The following ITPRID1 variants were observed in gnomAD, a reference collection of about 807,000 sequenced individuals.
The protein encoded by ITPRID1 is ITPR interacting domain containing 1, also known as protein ITPRID1.
A neutral mutation model predicts 95.4 loss-of-function variants in ITPRID1; 96 were observed. The observed-to-expected ratio is 1.01, with a 90% CI of 0.85 to 1.19. The LOEUF is 1.19. ITPRID1 is among the 50% of genes most tolerant of loss of function. The pLI, the probability that ITPRID1 is intolerant of heterozygous loss-of-function variation, is 0.00. For synonymous variants in ITPRID1, 510 were observed against 453.6 expected, an observed-to-expected ratio of 1.12 and a Z score of -1.58; for missense variants, 1,339 against 1,252.9, an observed-to-expected ratio of 1.07 and a Z score of -1.04.
At chr7:31,551,754 G>T (rs1321581278) in intron 2 of ITPRID1, among the ~76,000 whole-genome samples, 2 of 143,672 alleles carry the variant, frequency 1.4e-5, no homozygotes, top group Non-Finnish European at 3.1e-5. Context: ...TGAATGGTTT[G>T]CCTTTTGCAA....
At chr7:31,555,713 GA>G (rs1784424279) in intron 5 of ITPRID1, among the ~76,000 whole-genome samples, 1 of 152,102 alleles carries the variant, frequency 6.6e-6, no homozygotes, top group Non-Finnish European at 1.5e-5. Context: ...ATGGTTAGAT[GA>G]AAAAATTATT....
chr7:31,657,652 A>G (rs1791364089), downstream of ITPRID1, among the ~76,000 whole-genome samples: 1 of 152,132 alleles, frequency 6.6e-6, no homozygotes, highest in Non-Finnish European at 1.5e-5. Flanking sequence ...TTACTATTCC[A>G]TTATCAAGTC....
At chr7:31,554,353 T>G in intron 3 of ITPRID1, 122 bp from the exon 4 acceptor site, 1 of 1,416,178 alleles carries the variant, frequency 7.1e-7, no homozygotes, top group Non-Finnish European at 9.3e-7. Flanking sequence ...AATATGCTTA[T>G]GGAAGGAAAC....
intron 1 of ITPRID1, among the ~76,000 whole-genome samples, chr7:31,533,221 A>G (rs1324813161): frequency 6.6e-6 from 1 of 151,880 alleles, no homozygotes; most frequent in Non-Finnish European, 1.5e-5. Context: ...TTTTTCCCTC[A>G]GTTTCTTAGT....
At chr7:31,589,146 A>T (rs560097862) in intron 10 of ITPRID1, among the ~76,000 whole-genome samples, 1 of 152,182 alleles carries the variant, frequency 6.6e-6, no homozygotes, top group Non-Finnish European at 1.5e-5. Context: ...ATAATAAATA[A>T]TAAAATGGAA....
Position 31,519,620 on chromosome 7 carries a change from C to CTCTCTCTCTCCATATA in ITPRID1, c.-98+5501_-98+5502insCTCTCTCTCCATATAT. ...TCTCTCTCTCTCTCTCTCTCTCTCT[C>CTCTCTCTCTCCATATA]TATATATATATATATATATATATAT... is the stretch of plus-strand genomic sequence containing the variant. On this transcript the variant is annotated intron_variant, in intron 1 of 14. Coordinates refer to ENST00000615280, the MANE Select transcript of ITPRID1 (RefSeq NM_001257967.3). Among the ~76,000 whole-genome samples the CTCTCTCTCTCCATATA allele has an allele frequency of 1.1e-3, 27 of 25,252 alleles. 1 individual carries two copies. The highest frequency in any genetic ancestry group is 1.6e-3 in the Non-Finnish European group (22 of 13,728). 16.6% of individuals were successfully genotyped at this position (25,252 alleles called of 152,430 possible).
At chr7:31,639,532 GTTTTTGTTTT>G (rs1462291869) in intron 10 of ITPRID1, among the ~76,000 whole-genome samples, 1 of 45,532 alleles carries the variant, frequency 2.2e-5, no homozygotes, top group African/African-American at 1.0e-4. Context: ...TTGTTTGTTT[GTTTTTGTTTT>G]TTTTTTTTTT....
Position 31,568,344 on chromosome 7 carries a change from C to A in ITPRID1, c.257-1414C>A, listed in dbSNP as rs528896516. Among the ~76,000 whole-genome samples, 4 of 152,202 alleles carry A rather than the reference C, an allele frequency of 2.6e-5. No individual in the cohort carries two copies. The South Asian group carries it at 8.3e-4, about 32-fold the overall frequency. On this transcript the variant is annotated intron_variant, in intron 5 of 14. Coordinates refer to ENST00000615280, the MANE Select transcript of ITPRID1 (RefSeq NM_001257967.3). ...ATAGACCCTCTACTCAGACAAGAAC[C>A]CTAGCCCTTTATTCTCTTCAGTATT...
chr7:31,558,254 T>C (rs562667311), intron 5 of ITPRID1, among the ~76,000 whole-genome samples: 2 of 152,274 alleles, frequency 1.3e-5, no homozygotes, highest in East Asian at 3.9e-4. Context: ...CCAAATAAAC[T>C]TCTTTTCTTT....
At chr7:31,566,564 T>C (rs1784808717) in intron 5 of ITPRID1, among the ~76,000 whole-genome samples, 2 of 152,226 alleles carry the variant, frequency 1.3e-5, no homozygotes, top group South Asian at 2.1e-4. Flanking sequence ...AAGTAGTAGA[T>C]AGAACTGCTG....
At chr7:31,589,040 T>A (rs1423800787) in intron 10 of ITPRID1, among the ~76,000 whole-genome samples, 1 of 151,992 alleles carries the variant, frequency 6.6e-6, no homozygotes, top group Non-Finnish European at 1.5e-5. Flanking sequence ...GATGTTCTAA[T>A]CAGCAGATAG....
intron 10 of ITPRID1, among the ~76,000 whole-genome samples, chr7:31,608,380 G>C (rs1443666889): frequency 6.6e-6 from 1 of 151,812 alleles, no homozygotes; most frequent in Admixed American, 6.6e-5. Context: ...GGGTCAGCTT[G>C]TCAATTTCCA....
intron 6 of ITPRID1, 121 bp from the exon 7 acceptor site, chr7:31,571,981 G>A: frequency 1.6e-6 from 1 of 634,636 alleles, no homozygotes; most frequent in Non-Finnish European, 2.7e-6. Flanking sequence ...TGGTCATTAT[G>A]GGATTATTAG....
chr7:31,549,481 A>C lies in ITPRID1; in HGVS notation c.-42A>C. 6.6e-7 allele frequency: 1 copy of C among 1,525,044 alleles called. No individual in the cohort carries two copies. The highest frequency in any genetic ancestry group is 8.8e-7 in the Non-Finnish European group (1 of 1,142,402). 94.5% of individuals were successfully genotyped at this position (1,525,044 alleles called of 1,614,324 possible). ...CACAGAAGAGAAGGAAAAAGAAAGA[A>C]AACTGACCAATATGAGTGGTGATTG... On this transcript the variant is annotated 5_prime_UTR_variant, in exon 2 of 15. Coordinates refer to ENST00000615280, the MANE Select transcript of ITPRID1 (RefSeq NM_001257967.3).
At chr7:31,580,644 GAA>G (rs1785366822) in intron 9 of ITPRID1, among the ~76,000 whole-genome samples, 1 of 149,708 alleles carries the variant, frequency 6.7e-6, no homozygotes, top group African/African-American at 2.5e-5. Context: ...GGAGAGAGTA[GAA>G]ACACACTCAG....
intron 8 of ITPRID1, among the ~76,000 whole-genome samples, chr7:31,577,256 A>G (rs1785217574): frequency 6.6e-6 from 1 of 152,226 alleles, no homozygotes; most frequent in Non-Finnish European, 1.5e-5. Flanking sequence ...TGAAAAATAC[A>G]TGAGACATGA....
In ITPRID1 at chr7:31,553,085, A is replaced by G; in HGVS notation, c.61A>G (p.Arg21Gly). The change falls in exon 3 of 15, where the codon AGA becomes GGA. Residue 21 changes from arginine (R) to glycine (G), a missense_variant. Physicochemically the swap from Arg to Gly is moderately radical, Grantham distance 125. Transcript: ENST00000615280. Reference sequence around the variant, plus strand: ...TCAGGAAGGCCAGGAAAAGAGCAAGAGAGAGATCCTGAAGTGCACCAAAAG... The same window carrying G: ...TCAGGAAGGCCAGGAAAAGAGCAAGGGAGAGATCCTGAAGTGCACCAAAAG... ...NLQEGQEKSKREILKCTKSAW... is the reference protein window; with the variant it reads ...NLQEGQEKSKGEILKCTKSAW... 6.2e-7 allele frequency: 1 copy of G among 1,607,840 alleles called. No homozygotes were observed. The highest frequency in any genetic ancestry group is 8.5e-7 in the Non-Finnish European group (1 of 1,176,960).
chr7:31,571,089 C>T (rs551942033), intron 6 of ITPRID1, among the ~76,000 whole-genome samples: 2 of 151,940 alleles, frequency 1.3e-5, no homozygotes, highest in Non-Finnish European at 2.9e-5. Context: ...AGTGCAGTTG[C>T]GCCATCTCAG....
intron 10 of ITPRID1, among the ~76,000 whole-genome samples, chr7:31,601,623 T>C (rs1786397291): frequency 6.6e-6 from 1 of 152,246 alleles, no homozygotes; most frequent in Admixed American, 6.5e-5. Flanking sequence ...CACATGAATC[T>C]ACTTTGCTGT....
Sources: allele counts gnomAD v4.1 joint callset (sites outside exome capture counted in the v4.1 genomes callset), GRCh38; gene constraint gnomAD v4.1.1; transcripts MANE v1.5; gene names NCBI Gene and HGNC (gene_info 2026-07-23, HGNC 2026-07-21).